USP15: variants seen among roughly 807,000 people sequenced by gnomAD.
USP15 encodes the protein ubiquitin specific peptidase 15.
A neutral mutation model predicts 127.1 loss-of-function variants in USP15; 18 were observed. The observed-to-expected ratio is 0.14, with a 90% CI of 0.10 to 0.21. USP15 has a LOEUF of 0.21. Among genes scored for constraint, USP15 ranks in the 10% least tolerant of loss-of-function variants. USP15 has a pLI of 1.00. For synonymous variants in USP15, 364 were observed against 393.7 expected, an observed-to-expected ratio of 0.92 and a Z score of 0.89; for missense variants, 805 against 1,159.9, an observed-to-expected ratio of 0.69 and a Z score of 4.44.
At chr12:62,338,253 T>C (rs975201389) in intron 6 of USP15, among the ~76,000 whole-genome samples, 1 of 152,224 alleles carries the variant, frequency 6.6e-6, no homozygotes, top group Non-Finnish European at 1.5e-5. Context: ...TTTTTTCATA[T>C]GTTTTTGGCT....
chr12:62,295,179 G>A (rs559248806), intron 2 of USP15, among the ~76,000 whole-genome samples: 1 of 152,022 alleles, frequency 6.6e-6, no homozygotes, highest in Non-Finnish European at 1.5e-5. Flanking sequence ...CTATTAAACC[G>A]CACTTTGCAT....
chr12:62,266,547 A>T (rs2063197228), intron 1 of USP15, among the ~76,000 whole-genome samples: 1 of 152,178 alleles, frequency 6.6e-6, no homozygotes, highest in Admixed American at 6.5e-5. Context: ...TTATCTTATG[A>T]TGTGAGTTTA....
At chr12:62,384,721 C>G (rs1290792582) in intron 11 of USP15, among the ~76,000 whole-genome samples, 2 of 151,218 alleles carry the variant, frequency 1.3e-5, no homozygotes, top group East Asian at 1.9e-4. Context: ...ATTTAAATAC[C>G]TGTAATTTTT....
At chr12:62,315,846 T>A (rs973946808) in intron 4 of USP15, among the ~76,000 whole-genome samples, 3 of 152,344 alleles carry the variant, frequency 2.0e-5, no homozygotes, top group African/African-American at 7.2e-5. Context: ...CCGTATTTTT[T>A]ATGAAATAGT....
intron 9 of USP15, among the ~76,000 whole-genome samples, chr12:62,382,378 A>G (rs1445660746): frequency 6.6e-6 from 1 of 151,986 alleles, no homozygotes; most frequent in Non-Finnish European, 1.5e-5. Context: ...GTCGTTATTT[A>G]TACAAGTAAT....
At position 62,400,556 on chromosome 12, in the gene USP15, C is replaced by A. The variant is rs114912965; in HGVS notation, c.2675-631C>A. On this transcript the variant is annotated intron_variant, in intron 20 of 21. Transcript: ENST00000280377. ...TTGGTTGGGTTCAGGGACGCAGAAC[C>A]CATGTATGCACAGGACCGACTACAC... Among the ~76,000 whole-genome samples, 1,297 of 150,086 alleles carry A rather than the reference C, an allele frequency of 8.6e-3. 17 individuals are homozygous for A. The highest frequency in any genetic ancestry group is 0.029 in the African/African-American group (1,176 of 40,762).
intron 4 of USP15, 76 bp from the exon 5 acceptor site, chr12:62,321,388 G>A: frequency 1.2e-6 from 1 of 855,622 alleles, no homozygotes; most frequent in Non-Finnish European, 1.6e-6. Flanking sequence ...GAATTTTTGT[G>A]CTGGTAACAT....
chr12:62,357,918 A>G (rs986845819), intron 8 of USP15, among the ~76,000 whole-genome samples: 1 of 152,166 alleles, frequency 6.6e-6, no homozygotes, highest in South Asian at 2.1e-4. Flanking sequence ...TAAAAAGGGT[A>G]ATAGATAACT....
At chr12:62,336,434 A>G (rs925247680) in intron 6 of USP15, 8 of 985,250 alleles carry the variant, frequency 8.1e-6, no homozygotes, top group African/African-American at 3.5e-5. Flanking sequence ...TCTCTTGTCT[A>G]GTTAGTCAGC....
chr12:62,337,550 G>A (rs1049138837), intron 6 of USP15, among the ~76,000 whole-genome samples: 8 of 152,110 alleles, frequency 5.3e-5, no homozygotes, highest in African/African-American at 1.9e-4. Flanking sequence ...TGCCGTGGTA[G>A]TTTGCTGCAC....
chr12:62,388,747 T>G (rs2067233224), intron 11 of USP15, among the ~76,000 whole-genome samples: 1 of 152,120 alleles, frequency 6.6e-6, no homozygotes, highest in Non-Finnish European at 1.5e-5. Context: ...TTAAAAGGAA[T>G]AGAAATCTCT....
intron 2 of USP15, 189 bp downstream of exon 2, chr12:62,294,495 G>C (rs1242469242): frequency 3.8e-6 from 2 of 526,622 alleles, no homozygotes; most frequent in African/African-American, 2.0e-5. Context: ...TGTATGACAA[G>C]TTTTGTTTTT....
At chr12:62,402,408 A>G (rs377379646) in intron 21 of USP15, among the ~76,000 whole-genome samples, 2 of 152,040 alleles carry the variant, frequency 1.3e-5, no homozygotes, top group African/African-American at 2.4e-5. Context: ...ATACCTTACT[A>G]TGGCCACTTA....
chr12:62,267,078 A>G (rs572910971), intron 1 of USP15: 1 of 152,194 alleles, frequency 6.6e-6, no homozygotes, highest in East Asian at 1.9e-4. Context: ...CTTTTTTCTT[A>G]GTCCTTGTAT....
intron 8 of USP15, among the ~76,000 whole-genome samples, chr12:62,366,526 T>A (rs2066482867): frequency 2.0e-5 from 3 of 152,184 alleles, no homozygotes; most frequent in Admixed American, 2.0e-4. Flanking sequence ...TCTTTTCCTG[T>A]TTGAATACCC....
In USP15 at chr12:62,384,414, A is replaced by G. The variant is rs139723215; in HGVS notation, c.1473+112A>G. The G allele has an allele frequency of 1.0e-5, 8 of 798,394 alleles. No individual in the cohort carries two copies. In the Admixed American group the frequency reaches 2.2e-4, roughly 22 times the overall value. The allele number at this position is 798,394 out of a possible 1,614,324, so 49.5% of individuals were successfully genotyped here. On this transcript the variant is annotated intron_variant, in intron 11 of 21. Transcript: ENST00000280377. ...TATAAAAATTAAGTATTGAATTATC[A>G]AGCCCAATCAATAATGTTTATTTGT... is the stretch of plus-strand genomic sequence containing the variant.
chr12:62,372,719 CT>C (rs1171214557), intron 8 of USP15, among the ~76,000 whole-genome samples: 1 of 152,016 alleles, frequency 6.6e-6, no homozygotes, highest in Admixed American at 6.6e-5. Flanking sequence ...CTTTGACTGT[CT>C]TGCTTGCCTA....
rs549800960 is a variant in USP15 at position 62,339,302 on chromosome 12, G to T, written c.684-9919G>T. Among the ~76,000 whole-genome samples, 35 of 152,114 alleles carry T rather than the reference G, an allele frequency of 2.3e-4. No homozygotes were observed. In the South Asian group the frequency reaches 5.2e-3, roughly 23 times the overall value. On this transcript the variant is annotated intron_variant, in intron 6 of 21. Coordinates refer to ENST00000280377, the MANE Select transcript of USP15 (RefSeq NM_001252078.2). ...AAGGAGATTTTGGACTGAGACAATG[G>T]GCTTTTCTAAATATACAATCATGTC...
chr12:62,346,095 G>T (rs776624464), intron 6 of USP15, among the ~76,000 whole-genome samples: 15 of 152,290 alleles, frequency 9.8e-5, no homozygotes, highest in Middle Eastern at 3.4e-3. Flanking sequence ...TGAAAACAAT[G>T]ACTGGTTCCA....
Sources: gnomAD v4.1 joint callset for allele counts (sites outside exome capture counted in the v4.1 genomes callset) on GRCh38, gnomAD v4.1.1 for gene constraint, MANE v1.5 for transcripts, NCBI Gene and HGNC (gene_info 2026-07-23, HGNC 2026-07-21) for gene names.